MINDY1: variants seen among roughly 807,000 people sequenced by gnomAD.
The protein encoded by MINDY1 is ubiquitin carboxyl-terminal hydrolase MINDY-1.
In MINDY1, 50 loss-of-function variants were observed where a neutral mutation model predicts 53.6. That is an observed-to-expected ratio of 0.93 (90% CI 0.74 to 1.18). MINDY1 has a LOEUF of 1.18. Among genes scored for constraint, MINDY1 ranks in the 50% most tolerant of loss-of-function variants. The pLI is 0.00. For missense variants in MINDY1, 484 were observed against 578.6 expected (o/e 0.84, Z 1.68); for synonymous variants, 231 against 234.7 (o/e 0.98, Z 0.14).
rs1302788846 is a variant in MINDY1 at position 151,001,257 on chromosome 1, A to G, written c.569T>C (p.Phe190Ser). ...QEKSEGLQLN[F>S]QQNVDDAMTV... is the part of the protein sequence containing the mutation. The stretch of plus-strand genomic sequence containing the variant: ...GCAGACCTTTTGCCTCACCTGCTGA[A>G]AATTAAGCTGAAGTCCCTCTGACTT... The change falls in exon 4 of 10, where the codon TTT becomes TCT. Residue 190 changes from phenylalanine to serine, a missense_variant. Transcript: ENST00000683666. The G allele has an allele frequency of 1.2e-6, 2 of 1,614,206 alleles. No individual in the cohort carries two copies. The highest frequency in any genetic ancestry group is 1.7e-6 in the Non-Finnish European group (2 of 1,180,036).
At position 151,006,867 on chromosome 1, in the gene MINDY1, C is replaced by A. The variant is rs587666688; in HGVS notation, c.-645G>T. 4 of 985,438 alleles carry A rather than the reference C, an allele frequency of 4.1e-6. No homozygotes were observed. In the African/African-American group the frequency reaches 7.0e-5, roughly 17 times the overall value. 61.0% of individuals were successfully genotyped at this position (985,438 alleles called of 1,614,324 possible). Reference sequence around the variant, plus strand: ...AACAGACCCTTTCTCTTCCCTCTGCCTGCCTCTAGAAGGGACGGAGCGCTT... The same window carrying A: ...AACAGACCCTTTCTCTTCCCTCTGCATGCCTCTAGAAGGGACGGAGCGCTT... On this transcript the variant is annotated 5_prime_UTR_variant, in exon 1 of 10. The change creates a new upstream start codon in the 5' untranslated region. Transcript: ENST00000683666.
Position 150,997,724 on chromosome 1 carries a change from A to C in MINDY1, c.1229T>G (p.Leu410Arg). 2 of 1,613,994 alleles carry C rather than the reference A, an allele frequency of 1.2e-6. No homozygotes were observed. Among genetic ancestry groups the C allele is most frequent in the Non-Finnish European group, 1.7e-6 (2 of 1,180,026 alleles). ...CTGCTGGGCCAGCTCCAAGTCGGTA[A>C]GCCCCAGCGGGCCTCGTGGCTGTTG... ...QQQQPRGPLG[L>R]TDLELAQQLQ... is the part of the protein sequence containing the mutation. The change falls in exon 9 of 10, where the codon CTT (leucine) becomes CGT (arginine). Residue 410 changes from leucine (L) to arginine (R), a missense_variant. By Grantham distance (102) the Leu-to-Arg change is moderately radical. Transcript: ENST00000683666.
chr1:151,002,595 T>G lies in MINDY1; in HGVS notation c.23A>C (p.Asp8Ala), dbSNP rs1477569622. The change falls in exon 2 of 10, where the codon GAT becomes GCT. Residue 8 changes from aspartate (D) to alanine (A), a missense_variant. By Grantham distance (126) the Asp-to-Ala change is moderately radical. Transcript: ENST00000683666. This position sits in a 1 kb window ranked among gnomAD's most constrained non-coding sequence, Gnocchi z 4.1. ...AGTCCCGGCCTTACCAGGGGCTGGA[T>G]CCTCAGGCTGATGGTATTCCATGGT... MEYHQPE[D>A]PAPGKAGTAE... The G allele has an allele frequency of 4.3e-6, 7 of 1,614,052 alleles. No individual in the cohort carries two copies. Among genetic ancestry groups the G allele is most frequent in the Non-Finnish European group, 5.9e-6 (7 of 1,180,012 alleles).
At chr1:150,997,994 A>C (rs947970446) in intron 8 of MINDY1, 88 bp downstream of exon 8, 2 of 1,387,804 alleles carry the variant, frequency 1.4e-6, no homozygotes, top group Non-Finnish European at 9.8e-7. Context: ...GCATGGGTTC[A>C]CATGGCCTCT....
rs199642379 is a variant in MINDY1 at position 151,001,747 on chromosome 1, C to T, written c.489G>A (p.Ser163=). The change falls in exon 3 of 10, where the codon TCG becomes TCA. Residue 163 remains serine (S), a synonymous_variant. Coordinates refer to ENST00000683666, the MANE Select transcript of MINDY1 (RefSeq NM_001376665.1). ...KLPPQKEVIT[S]DELMAHLGNC... The stretch of plus-strand genomic sequence containing the variant: ...CACCAAGATGGGCCATGAGCTCATC[C>T]GATGTGATCACTTCCTTCTGCGGGG... 125 of 1,606,768 alleles carry T rather than the reference C, an allele frequency of 7.8e-5. No individual in the cohort carries two copies. Among genetic ancestry groups the T allele is most frequent in the Middle Eastern group, 1.6e-4 (1 of 6,066 alleles).
rs587634765 is a variant in MINDY1, at chr1:151,006,430, G to A, written c.-208C>T. The A allele has an allele frequency of 1.0e-5, 13 of 1,298,576 alleles. No homozygotes were observed. In the East Asian group the frequency reaches 3.8e-4, roughly 38 times the overall value. 80.4% of individuals were successfully genotyped at this position (1,298,576 alleles called of 1,614,324 possible). ...TGCCAGCTGCCTTCCAGCTGTCAAC[G>A]CCTGAGCTTATACAGGTTTACACAG... On this transcript the variant is annotated 5_prime_UTR_variant, in exon 1 of 10. Coordinates refer to ENST00000683666, the MANE Select transcript of MINDY1 (RefSeq NM_001376665.1).
At chr1:151,005,749 A>G (rs1435629099) in intron 1 of MINDY1, among the ~76,000 whole-genome samples, 1 of 152,216 alleles carries the variant, frequency 6.6e-6, no homozygotes, top group African/African-American at 2.4e-5. Flanking sequence ...AGAGTAGGAA[A>G]GAATGAGGGA....
intron 3 of MINDY1, 132 bp downstream of exon 3, chr1:151,001,593 G>T: frequency 1.8e-6 from 2 of 1,133,920 alleles, no homozygotes; most frequent in Non-Finnish European, 2.5e-6. Flanking sequence ...TTGCAGAGAA[G>T]CCCCATAGAC....
rs377575933 is a variant in MINDY1 at position 151,001,235 on chromosome 1, G to A, written c.576+15C>T. 2 of 1,613,962 alleles carry A rather than the reference G, an allele frequency of 1.2e-6. No homozygotes were observed. The highest frequency in any genetic ancestry group is 1.7e-6 in the Non-Finnish European group (2 of 1,179,962). ...AAACCTGCAAACCCCTATGCCTGCAGACCTTTTGCCTCACCTGCTGAAAAT... is the reference window on the plus strand; with the variant it reads ...AAACCTGCAAACCCCTATGCCTGCAAACCTTTTGCCTCACCTGCTGAAAAT... On this transcript the variant is annotated intron_variant, in intron 4 of 9. Coordinates refer to ENST00000683666, the MANE Select transcript of MINDY1 (RefSeq NM_001376665.1).
chr1:151,000,617 T>TG lies in MINDY1; in HGVS notation c.577-3dup. ...CACTGTCATTGCATCATCCACATTC[T>TG]GGGGGTAGAAAAAAAAATGATGGAG... On this transcript the variant is annotated splice_region_variant and splice_polypyrimidine_tract_variant and intron_variant, in intron 4 of 9. Coordinates refer to ENST00000683666, the MANE Select transcript of MINDY1 (RefSeq NM_001376665.1). 1 of 1,603,302 alleles carries TG rather than the reference T, an allele frequency of 6.2e-7. No homozygotes were observed. Among genetic ancestry groups the TG allele is most frequent in the Non-Finnish European group, 8.5e-7 (1 of 1,175,596 alleles).
At chr1:150,998,880 C>G (rs751500687) in intron 7 of MINDY1, among the ~76,000 whole-genome samples, 1 of 152,142 alleles carries the variant, frequency 6.6e-6, no homozygotes, top group Non-Finnish European at 1.5e-5. Context: ...CCAGAGACCC[C>G]TCCCTCTGCT....
rs587650596 is a variant in MINDY1, at chr1:151,000,867, C to T, written c.577-252G>A. The stretch of plus-strand genomic sequence containing the variant: ...GATCCTAGCTCACTGCAGCCTCAAA[C>T]TCTTGGTTTCAAGTGACCCTCCCAC... On this transcript the variant is annotated intron_variant, in intron 4 of 9. Coordinates refer to ENST00000683666, the MANE Select transcript of MINDY1 (RefSeq NM_001376665.1). 1.1e-4 allele frequency among the ~76,000 whole-genome samples: 16 copies of T among 152,216 alleles called. 2 individuals carry two copies. The South Asian group carries it at 3.1e-3, about 30-fold the overall frequency.
rs1481796100 is a variant in MINDY1, at chr1:151,002,394, G to C, written c.224C>G (p.Ser75Ter). The change falls in exon 2 of 10, where the codon TCA (serine) becomes TGA (stop). Residue 75 changes from serine (S) to a stop codon, truncating the protein, a stop_gained. Transcript: ENST00000683666. LOFTEE classifies it high-confidence loss of function. The surrounding 1 kb of genome is among the most constrained non-coding windows in gnomAD (Gnocchi z 4.1). ...CCCAAGGGTTGGCCCCGGTGGAGCTGAGCTAGCTTCAGGCAGAGGGGACTC... is the reference window on the plus strand; with the variant it reads ...CCCAAGGGTTGGCCCCGGTGGAGCTCAGCTAGCTTCAGGCAGAGGGGACTC... ...NLESPLPEAS[S>*]APPGPTLGTL... is the part of the protein sequence containing the mutation. 2 of 1,614,158 alleles carry C rather than the reference G, an allele frequency of 1.2e-6. No individual in the cohort carries two copies. Among genetic ancestry groups the C allele is most frequent in the Admixed American group, 3.3e-5 (2 of 60,026 alleles).
intron 1 of MINDY1, among the ~76,000 whole-genome samples, chr1:151,005,474 GA>G (rs587751127): frequency 5.2e-4 from 71 of 135,256 alleles, no homozygotes; most frequent in South Asian, 3.3e-3. Context: ...AAGAAAAAAA[GA>G]AAAAAAAAAA....
chr1:151,003,699 C>T (rs909298715), intron 1 of MINDY1, among the ~76,000 whole-genome samples: 7 of 152,092 alleles, frequency 4.6e-5, no homozygotes, highest in African/African-American at 1.2e-4. Flanking sequence ...GCATGAGCCA[C>T]GGTGCCTGGA....
Position 150,999,405 on chromosome 1 carries a change from G to GA in MINDY1, c.944dup (p.Arg316ProfsTer6). 6.8e-6 allele frequency: 11 copies of GA among 1,614,074 alleles called. No individual in the cohort carries two copies. Among genetic ancestry groups the GA allele is most frequent in the Non-Finnish European group, 9.3e-6 (11 of 1,180,014 alleles). On this transcript the variant is annotated frameshift_variant, in exon 7 of 10. Transcript: ENST00000683666. LOFTEE classifies it high-confidence loss of function. This position sits in a 1 kb window ranked among gnomAD's most constrained non-coding sequence, Gnocchi z 4.4. The stretch of plus-strand genomic sequence containing the variant: ...TCATGGTGCTAAAGTGGTTGTTTCG[G>GA]AAAAAGACGCTAAGTTCACCCTCCT...
At chr1:151,005,978 T>C in intron 1 of MINDY1, 1 of 1,286,538 alleles carries the variant, frequency 7.8e-7, no homozygotes, top group Non-Finnish European at 1.1e-6. Flanking sequence ...GTAGGAACAG[T>C]TCCCTTACTG....
At position 151,005,061 on chromosome 1, in the gene MINDY1, C is replaced by A. The variant is rs1017693027; in HGVS notation, c.-90+1251G>T. On this transcript the variant is annotated intron_variant, in intron 1 of 9. Transcript: ENST00000683666. ...CTGCAGGCCTTATGCTTTTTTTTCT[C>A]TCTCTTTCTCTCTCTCCTTTCCTTC... Among the ~76,000 whole-genome samples, 8 of 151,772 alleles carry A rather than the reference C, an allele frequency of 5.3e-5. No individual in the cohort carries two copies. In the East Asian group the frequency reaches 1.4e-3, roughly 26 times the overall value.
In MINDY1 at chr1:151,006,350, G is replaced by C. The variant is rs1174930953; in HGVS notation, c.-128C>G. 1.4e-6 allele frequency: 2 copies of C among 1,400,238 alleles called. No homozygotes were observed. The highest frequency in any genetic ancestry group is 3.0e-5 in the Admixed American group (1 of 33,672). The allele number at this position is 1,400,238 out of a possible 1,614,324, so 86.7% of individuals were successfully genotyped here. ...GTGCTGTTCCAAGATTGAGAAGGAG[G>C]GTTCAGCCGTGGCAATGAGATGGGG... On this transcript the variant is annotated 5_prime_UTR_variant, in exon 1 of 10. Coordinates refer to ENST00000683666, the MANE Select transcript of MINDY1 (RefSeq NM_001376665.1).
Sources: allele counts gnomAD v4.1 joint callset (sites outside exome capture counted in the v4.1 genomes callset), GRCh38; gene constraint gnomAD v4.1.1; non-coding constraint Gnocchi (gnomAD v3.1); transcripts MANE v1.5; gene names NCBI Gene and HGNC (gene_info 2026-07-23, HGNC 2026-07-21).